The following AFG2A variants were observed in gnomAD, a reference collection of about 807,000 sequenced individuals.
The protein encoded by AFG2A is AAA ATPase AFG2A.
chr4:123,230,153 A>G, the AFG2A span, among the ~76,000 whole-genome samples: 1 of 151,976 alleles, frequency 6.6e-6, no homozygotes, highest in Non-Finnish European at 1.5e-5. Context: ...AGTTTGCCAC[A>G]TCCATTGACT....
the AFG2A span, among the ~76,000 whole-genome samples, chr4:122,996,452 G>A: frequency 2.0e-5 from 3 of 152,160 alleles, no homozygotes; most frequent in African/African-American, 7.2e-5. Context: ...CTTTACATAT[G>A]TATTAGTCAA....
At chr4:122,924,565 C>T in the AFG2A span, among the ~76,000 whole-genome samples, 5 of 152,204 alleles carry the variant, frequency 3.3e-5, no homozygotes, top group African/African-American at 7.2e-5. Context: ...TTTGCAGGCT[C>T]GTCCTCTTCC....
At chr4:122,952,521 C>T in the AFG2A span, among the ~76,000 whole-genome samples, 1 of 152,154 alleles carries the variant, frequency 6.6e-6, no homozygotes, top group African/African-American at 2.4e-5. Context: ...TGTGAGTAGG[C>T]CTGCACCCTA....
the AFG2A span, among the ~76,000 whole-genome samples, chr4:123,174,273 T>A: frequency 6.6e-6 from 1 of 152,316 alleles, no homozygotes; most frequent in Non-Finnish European, 1.5e-5. Context: ...AACAAAAAAT[T>A]ATAATAGCTT....
chr4:122,946,951 AAG>A, the AFG2A span, among the ~76,000 whole-genome samples: 1 of 152,136 alleles, frequency 6.6e-6, no homozygotes, highest in Non-Finnish European at 1.5e-5. Flanking sequence ...TGTGAGAAGT[AAG>A]AGAGATGTCA....
the AFG2A span, chr4:123,056,283 T>A: frequency 9.7e-6 from 10 of 1,032,412 alleles, no homozygotes; most frequent in Admixed American, 3.1e-4. Flanking sequence ...AATAAGCAGA[T>A]TTTGTTTATT....
At chr4:123,313,093 A>T in the AFG2A span, among the ~76,000 whole-genome samples, 1 of 152,172 alleles carries the variant, frequency 6.6e-6, no homozygotes, top group African/African-American at 2.4e-5. Flanking sequence ...TTAGAATGAC[A>T]CTGGCATCAG....
chr4:122,934,350 T>TA, the AFG2A span: 1 of 1,614,216 alleles, frequency 6.2e-7, no homozygotes, highest in Non-Finnish European at 8.5e-7. Flanking sequence ...GTACTCCTTA[T>TA]AAACCAATTG....
the AFG2A span, among the ~76,000 whole-genome samples, chr4:122,976,458 T>C: frequency 6.6e-6 from 1 of 152,264 alleles, no homozygotes; most frequent in Non-Finnish European, 1.5e-5. Context: ...AATTTGACTT[T>C]GTTGACTATC....
chr4:123,212,935 AAC>A, the AFG2A span, among the ~76,000 whole-genome samples: 1 of 152,200 alleles, frequency 6.6e-6, no homozygotes, highest in East Asian at 1.9e-4. Context: ...CATATAAAAT[AAC>A]ACAGAGCCTG....
the AFG2A span, among the ~76,000 whole-genome samples, chr4:123,183,503 T>C: frequency 6.6e-6 from 1 of 152,202 alleles, no homozygotes; most frequent in Non-Finnish European, 1.5e-5. Context: ...TTATGCTACA[T>C]GTGCATTATC....
the AFG2A span, among the ~76,000 whole-genome samples, chr4:123,096,144 A>ATTGCTTGTGATGTCC: frequency 6.6e-6 from 1 of 152,116 alleles, no homozygotes; most frequent in Non-Finnish European, 1.5e-5. Context: ...TGGTGAAATA[A>ATTGCTTGTGATGTCC]TTGCTTGTGA....
At chr4:123,047,798 G>T in the AFG2A span, among the ~76,000 whole-genome samples, 1 of 151,976 alleles carries the variant, frequency 6.6e-6, no homozygotes, top group Non-Finnish European at 1.5e-5. Flanking sequence ...GAACTCCAGG[G>T]TTCAAGCAAT....
chr4:122,997,465 C>G, the AFG2A span, among the ~76,000 whole-genome samples: 1 of 152,084 alleles, frequency 6.6e-6, no homozygotes, highest in Admixed American at 6.5e-5. Flanking sequence ...CAGCATGTAT[C>G]AGTATTTAAT....
chr4:123,157,697 A>G, the AFG2A span, among the ~76,000 whole-genome samples: 12 of 152,204 alleles, frequency 7.9e-5, no homozygotes, highest in African/African-American at 2.9e-4. Flanking sequence ...GTTCACGTAA[A>G]ACAAATCTCT....
chr4:123,260,634 G>A, the AFG2A span, among the ~76,000 whole-genome samples: 1 of 152,190 alleles, frequency 6.6e-6, no homozygotes, highest in Non-Finnish European at 1.5e-5. Flanking sequence ...TCTTGTGATA[G>A]TATTCCCCAA....
the AFG2A span, among the ~76,000 whole-genome samples, chr4:123,188,831 G>T: frequency 2.0e-5 from 3 of 152,168 alleles, no homozygotes; most frequent in Non-Finnish European, 4.4e-5. Flanking sequence ...TTGGGCCCGA[G>T]AATTCTATAA....
At chr4:123,070,733 G>A in the AFG2A span, among the ~76,000 whole-genome samples, 36 of 152,284 alleles carry the variant, frequency 2.4e-4, no homozygotes, top group South Asian at 1.0e-3. Flanking sequence ...CACCAGGCAA[G>A]TATGATCCTT....
the AFG2A span, among the ~76,000 whole-genome samples, chr4:123,281,155 T>G: frequency 6.6e-6 from 1 of 152,104 alleles, no homozygotes; most frequent in Non-Finnish European, 1.5e-5. Flanking sequence ...CAAGAATATA[T>G]GTGGGCAAAT....
Sources: gnomAD v4.1 joint callset for allele counts (sites outside exome capture counted in the v4.1 genomes callset) on GRCh38, gnomAD v4.1.1 for gene constraint, MANE v1.5 for transcripts, NCBI Gene and HGNC (gene_info 2026-07-23, HGNC 2026-07-21) for gene names.